STXBP5L: variants seen among roughly 807,000 people sequenced by gnomAD.
STXBP5L encodes syntaxin binding protein 5L.
STXBP5L carries 65 observed loss-of-function variants against 144.5 expected under a neutral mutation model. The observed-to-expected ratio is 0.45, with a 90% confidence interval of 0.37 to 0.55. The LOEUF is 0.55. Among genes scored for constraint, STXBP5L ranks in the 20% least tolerant of loss-of-function variants. The pLI is 0.00. For synonymous variants in STXBP5L, 505 were observed against 469.6 expected (o/e 1.08, Z -0.97); for missense variants, 1,298 against 1,405.5 (o/e 0.92, Z 1.22).
At chr3:121,013,896 TC>T (rs1944957136) in intron 3 of STXBP5L, among the ~76,000 whole-genome samples, 1 of 152,068 alleles carries the variant, frequency 6.6e-6, no homozygotes, top group African/African-American at 2.4e-5. Context: ...AATTAGGATA[TC>T]CTTTCCCTGT....
chr3:121,394,786 T>C (rs562889460), intron 22 of STXBP5L, among the ~76,000 whole-genome samples: 41 of 151,902 alleles, frequency 2.7e-4, no homozygotes, highest in Non-Finnish European at 5.3e-4. Context: ...TTGCATTTTT[T>C]AGTAGAGACA....
At chr3:121,188,295 T>C (rs879507494) in intron 9 of STXBP5L, among the ~76,000 whole-genome samples, 2 of 152,076 alleles carry the variant, frequency 1.3e-5, no homozygotes, top group Non-Finnish European at 2.9e-5. Context: ...AGTAAAGCAC[T>C]CCTCAGCAAA....
chr3:121,374,074 A>G (rs890572223), intron 20 of STXBP5L, among the ~76,000 whole-genome samples: 1 of 152,164 alleles, frequency 6.6e-6, no homozygotes, highest in Admixed American at 6.5e-5. Context: ...GCTGATGCTC[A>G]CATACCCCAC....
intron 5 of STXBP5L, among the ~76,000 whole-genome samples, chr3:121,054,184 G>A (rs374190558): frequency 3.3e-5 from 5 of 152,140 alleles, no homozygotes; most frequent in Admixed American, 6.6e-5. Context: ...TCAGTGTGGC[G>A]ATTCCTCAGG....
At chr3:121,266,476 C>G (rs907191583) in intron 18 of STXBP5L, among the ~76,000 whole-genome samples, 1 of 152,162 alleles carries the variant, frequency 6.6e-6, no homozygotes. Flanking sequence ...GAACGTATCT[C>G]AAAATAATAA....
intron 5 of STXBP5L, among the ~76,000 whole-genome samples, chr3:121,069,506 C>T (rs1471685786): frequency 6.6e-6 from 1 of 151,772 alleles, no homozygotes; most frequent in Non-Finnish European, 1.5e-5. Flanking sequence ...GGTGTAATTT[C>T]CAAAAAGCGC....
At chr3:121,332,907 G>C (rs995540047) in intron 20 of STXBP5L, among the ~76,000 whole-genome samples, 1 of 152,038 alleles carries the variant, frequency 6.6e-6, no homozygotes, top group Non-Finnish European at 1.5e-5. Flanking sequence ...AACCAGAAGG[G>C]ATTCAGGCTT....
chr3:121,107,229 G>A (rs112123873), intron 5 of STXBP5L, among the ~76,000 whole-genome samples: 17,694 of 151,808 alleles, frequency 0.12, 1,080 homozygotes, highest in Non-Finnish European at 0.14. Flanking sequence ...ATTAGATCCC[G>A]TTTGTTAATT....
At chr3:121,361,523 C>T (rs2045712784) in intron 20 of STXBP5L, among the ~76,000 whole-genome samples, 1 of 151,798 alleles carries the variant, frequency 6.6e-6, no homozygotes. Context: ...TTTAAATAGC[C>T]TGTCTTCAGG....
At chr3:121,299,975 CAA>C (rs35062789) in intron 19 of STXBP5L, among the ~76,000 whole-genome samples, 55,313 of 115,868 alleles carry the variant, frequency 0.48, 11,480 homozygotes, top group East Asian at 0.68. Context: ...GACCTGATCT[CAA>C]AAAAAAAAAA....
chr3:121,293,232 G>A (rs1406920681), intron 19 of STXBP5L, among the ~76,000 whole-genome samples: 1 of 152,098 alleles, frequency 6.6e-6, no homozygotes, highest in African/African-American at 2.4e-5. Flanking sequence ...ACACATTACT[G>A]TATGATTCCA....
intron 3 of STXBP5L, among the ~76,000 whole-genome samples, chr3:121,011,580 G>T (rs1289205630): frequency 1.3e-5 from 2 of 151,030 alleles, no homozygotes; most frequent in African/African-American, 4.9e-5. Flanking sequence ...AATATACTTA[G>T]AAAATACTTA....
rs182297213 is a variant in STXBP5L, at chr3:121,306,110, A to C, written c.2111-12365A>C. ...ATAATTTATGAAAGCTATTTTAAAA[A>C]CAACCATGTAAAGTCTCCAGAAATT... On this transcript the variant is annotated intron_variant, in intron 19 of 26. Coordinates refer to ENST00000471454, the MANE Select transcript of STXBP5L (RefSeq NM_001308330.2). Among the ~76,000 whole-genome samples the C allele has an allele frequency of 2.0e-5, 3 of 152,336 alleles. No individual in the cohort carries two copies. In the East Asian group the frequency reaches 5.8e-4, roughly 29 times the overall value.
At chr3:120,967,664 T>C (rs1040038939) in intron 3 of STXBP5L, among the ~76,000 whole-genome samples, 3 of 152,192 alleles carry the variant, frequency 2.0e-5, no homozygotes, top group African/African-American at 4.8e-5. Flanking sequence ...TTTCTTGCTT[T>C]CCATTTCTTG....
At position 121,378,399 on chromosome 3, in the gene STXBP5L, A is replaced by T. The variant is rs376884279; in HGVS notation, c.2177-317A>T. On this transcript the variant is annotated intron_variant, in intron 20 of 26. Transcript: ENST00000471454. ...CAAGCACTTAAAGTACTTTCATTGT[A>T]TATTTAAGTTATGCAACAAAAAGTT... Among the ~76,000 whole-genome samples the T allele has an allele frequency of 2.5e-3, 375 of 152,304 alleles. 2 individuals are homozygous for T. Among genetic ancestry groups the T allele is most frequent in the South Asian group, 0.024 (115 of 4,826 alleles).
intron 20 of STXBP5L, among the ~76,000 whole-genome samples, chr3:121,324,954 T>A (rs958054637): frequency 3.3e-5 from 5 of 152,036 alleles, no homozygotes; most frequent in Admixed American, 6.6e-5. Flanking sequence ...AGATTTTTTT[T>A]ATATTCTCTG....
intron 3 of STXBP5L, among the ~76,000 whole-genome samples, chr3:121,008,923 T>C (rs1944560377): frequency 7.2e-6 from 1 of 139,492 alleles, no homozygotes; most frequent in African/African-American, 2.7e-5. Context: ...TACGGTTTAA[T>C]ATAATCAATT....
At chr3:121,039,152 A>G (rs73855311) in intron 3 of STXBP5L, among the ~76,000 whole-genome samples, 2,934 of 151,236 alleles carry the variant, frequency 0.019, 102 homozygotes, top group African/African-American at 0.068. Context: ...TTTGTTTTCT[A>G]TTTATCTTAC....
chr3:121,214,709 G>A (rs1180124778), intron 10 of STXBP5L, among the ~76,000 whole-genome samples: 5 of 152,184 alleles, frequency 3.3e-5, no homozygotes, highest in Non-Finnish European at 7.3e-5. Flanking sequence ...TTCTGTAGAT[G>A]TCTATTAGGT....
Sources: allele counts gnomAD v4.1 joint callset (sites outside exome capture counted in the v4.1 genomes callset), GRCh38; gene constraint gnomAD v4.1.1; transcripts MANE v1.5; gene names NCBI Gene and HGNC (gene_info 2026-07-23, HGNC 2026-07-21).